RERGL: variants seen among roughly 807,000 people sequenced by gnomAD.
The protein encoded by RERGL is ras-related and estrogen-regulated growth inhibitor-like protein.
Under a neutral mutation model 24.7 loss-of-function variants are expected in RERGL, and 22 were observed. The ratio of observed to expected loss-of-function variants is 0.89; its 90% CI spans 0.64 to 1.27. RERGL has a LOEUF of 1.27. RERGL is among the 50% of genes most tolerant of loss of function. The probability of loss-of-function intolerance (pLI) is 0.00; values close to 1 mark genes in which losing one functional copy is unlikely to be tolerated. For missense variants in RERGL, 259 were observed against 235.3 expected, an observed-to-expected ratio of 1.10 and a Z score of -0.66; for synonymous variants, 76 against 82.6, an observed-to-expected ratio of 0.92 and a Z score of 0.43.
chr12:18,083,249 G>C (rs1947189878), intron 4 of RERGL, among the ~76,000 whole-genome samples: 1 of 152,084 alleles, frequency 6.6e-6, no homozygotes, highest in Admixed American at 6.6e-5. Flanking sequence ...TCTTTTTACA[G>C]ATTGAGAGCT....
In RERGL at chr12:18,081,389, C is replaced by T. The variant is rs143014640; in HGVS notation, c.417G>A (p.Lys139=). 6.2e-6 allele frequency: 10 copies of T among 1,614,014 alleles called. No homozygotes were observed. The African/African-American group carries it at 1.3e-4, about 22-fold the overall frequency. Residue 139 remains lysine (K), a synonymous_variant, in exon 5 of 5, where the codon AAG becomes AAA. Transcript: ENST00000538724. ...ATTGGCATCGGTTTTCCAGTGCCAG[C>T]TTTTGCCCTTCTTCCCAGCCAACCT... ...VREVGWEEGQ[K]LALENRCQFC... is the part of the protein sequence containing the mutation.
intron 4 of RERGL, among the ~76,000 whole-genome samples, chr12:18,082,156 A>G (rs1947180145): frequency 8.3e-6 from 1 of 120,650 alleles, no homozygotes; most frequent in Non-Finnish European, 1.9e-5. Flanking sequence ...AAAAAAAAAA[A>G]AAAGAATGAG....
At chr12:18,086,006 C>G (rs1393982771) in intron 2 of RERGL, among the ~76,000 whole-genome samples, 1 of 148,532 alleles carries the variant, frequency 6.7e-6, no homozygotes, top group Non-Finnish European at 1.5e-5. Flanking sequence ...TACAGGGGCT[C>G]GCCACCACGC....
intron 1 of RERGL, chr12:18,089,295 C>G: frequency 6.3e-7 from 1 of 1,593,702 alleles, no homozygotes; most frequent in Non-Finnish European, 8.6e-7. Context: ...TGTTTATTTT[C>G]TCTGTCAAAC....
In RERGL at chr12:18,085,659, C is replaced by A; in HGVS notation, c.144G>T (p.Arg48Ser). Residue 48 changes from arginine to serine, a missense_variant, in exon 3 of 5, where the codon AGG becomes AGT. Arg to Ser is a moderately radical substitution (Grantham distance 110). Coordinates refer to ENST00000538724, the MANE Select transcript of RERGL (RefSeq NM_001286201.2). The stretch of plus-strand genomic sequence containing the variant: ...CATATATTTCTAGATTTAGTTGTTT[C>A]CTTTCCAAACACAAGTGCTTCTTAT... Reference protein sequence around the residue: ...SIYKKHLCLERKQLNLEIYDP... With the variant: ...SIYKKHLCLESKQLNLEIYDP... 6.2e-7 allele frequency: 1 copy of A among 1,600,564 alleles called. No individual in the cohort carries two copies.
At chr12:18,084,744 G>A in intron 3 of RERGL, 79 bp from the exon 4 acceptor site, 2 of 1,195,240 alleles carry the variant, frequency 1.7e-6, no homozygotes, top group Non-Finnish European at 2.3e-6. Flanking sequence ...AACTAATGGA[G>A]ACCCACTTCC....
chr12:18,089,534 GC>G (rs1947250810), intron 1 of RERGL: 1 of 389,252 alleles, frequency 2.6e-6, no homozygotes, highest in Non-Finnish European at 4.4e-6. Flanking sequence ...CGAAACCAAA[GC>G]AAAACACAGC....
intron 2 of RERGL, among the ~76,000 whole-genome samples, chr12:18,088,190 TCTC>T (rs1214939231): frequency 6.6e-6 from 1 of 152,062 alleles, no homozygotes; most frequent in Non-Finnish European, 1.5e-5. Flanking sequence ...AAAAAATTCA[TCTC>T]CTCATTTCAT....
Position 18,088,976 on chromosome 12 carries a change from G to C in RERGL, c.53-20C>G. 1 of 1,590,380 alleles carries C rather than the reference G, an allele frequency of 6.3e-7. No individual in the cohort carries two copies. Among genetic ancestry groups the C allele is most frequent in the South Asian group, 1.1e-5 (1 of 90,440 alleles). ...TAAGGGCTGCAAAGCAAACAATCTA[G>C]ATTTAGGGCTGTTATATTTTAGGAA... is the stretch of plus-strand genomic sequence containing the variant. On this transcript the variant is annotated intron_variant, in intron 1 of 4. Coordinates refer to ENST00000538724, the MANE Select transcript of RERGL (RefSeq NM_001286201.2).
intron 3 of RERGL, among the ~76,000 whole-genome samples, chr12:18,085,152 A>T (rs947411127): frequency 2.0e-5 from 3 of 152,200 alleles, no homozygotes; most frequent in African/African-American, 7.2e-5. Flanking sequence ...ACCCTGAATA[A>T]ATGGCCACTT....
At position 18,081,198 on chromosome 12, in the gene RERGL, G is replaced by T; in HGVS notation, c.608C>A (p.Ser203Tyr). The T allele has an allele frequency of 1.2e-6, 2 of 1,605,712 alleles. No homozygotes were observed. The highest frequency in any genetic ancestry group is 1.1e-5 in the South Asian group (1 of 90,678). Residue 203 changes from serine (S) to tyrosine (Y), a missense_variant, in exon 5 of 5, where the codon TCT becomes TAT. Coordinates refer to ENST00000538724, the MANE Select transcript of RERGL (RefSeq NM_001286201.2). ...CCCAGGATTACCTGTCTACTAAACA[G>T]ATTTCCTTCTCTTTCCAAATACATT... ...INNVFGKRRK[S>Y]V
In RERGL at chr12:18,081,415, C is replaced by T; in HGVS notation, c.391G>A (p.Glu131Lys). The T allele has an allele frequency of 1.2e-6, 2 of 1,613,972 alleles. No individual in the cohort carries two copies. Among genetic ancestry groups the T allele is most frequent in the Non-Finnish European group, 1.7e-6 (2 of 1,179,972 alleles). ...TTTTGCCCTTCTTCCCAGCCAACCTCTCGCACATGACAAAGATCTCGTTTG... is the reference window on the plus strand; with the variant it reads ...TTTTGCCCTTCTTCCCAGCCAACCTTTCGCACATGACAAAGATCTCGTTTG... The part of the protein sequence containing the change: ...GNKRDLCHVR[E>K]VGWEEGQKLA... Residue 131 changes from glutamate to lysine, a missense_variant, in exon 5 of 5, where the codon GAG (glutamate) becomes AAG (lysine). Coordinates refer to ENST00000538724, the MANE Select transcript of RERGL (RefSeq NM_001286201.2).
At chr12:18,084,758 G>A in intron 3 of RERGL, 93 bp from the exon 4 acceptor site, 1 of 917,292 alleles carries the variant, frequency 1.1e-6, no homozygotes, top group East Asian at 2.6e-5. Flanking sequence ...CACTTCCGCT[G>A]GAAGATACAT....
In RERGL at chr12:18,081,063, C is replaced by G; in HGVS notation, c.*128G>C. On this transcript the variant is annotated 3_prime_UTR_variant, in exon 5 of 5. Transcript: ENST00000538724. ...TTTGAAAACACAGCTGTGGTTCATA[C>G]TCAATCATTTCATATCTCCAAGAGA... 1.2e-6 allele frequency: 1 copy of G among 847,752 alleles called. No homozygotes were observed. Among genetic ancestry groups the G allele is most frequent in the Non-Finnish European group, 1.8e-6 (1 of 565,312 alleles). 52.5% of individuals were successfully genotyped at this position (847,752 alleles called of 1,614,324 possible). A position where few individuals can be genotyped will look rare whatever the true frequency, so the allele number is the denominator to read the frequency against.
At chr12:18,089,419 GT>G in intron 1 of RERGL, 1 of 1,317,802 alleles carries the variant, frequency 7.6e-7, no homozygotes, top group Non-Finnish European at 9.7e-7. Context: ...AGAACCTCTG[GT>G]ATCCATTCAT....
intron 4 of RERGL, 53 bp from the exon 5 acceptor site, chr12:18,081,526 TTAAA>T (rs1565485333): frequency 1.5e-5 from 15 of 1,011,702 alleles, no homozygotes; most frequent in South Asian, 6.9e-5. Context: ...ACTCTTTTTT[TTAAA>T]AAAAAAAAAA....
In RERGL at chr12:18,088,178, GA is replaced by G. The variant is rs1245119474; in HGVS notation, c.109+721del. On this transcript the variant is annotated intron_variant, in intron 2 of 4. Transcript: ENST00000538724. ...TCTGCCATTCTTATTTTTTAAAAAAGAAAAAAATTCATCTCCTCATTTCATT... is the reference window on the plus strand; with the variant it reads ...TCTGCCATTCTTATTTTTTAAAAAAGAAAAAATTCATCTCCTCATTTCATT... Among the ~76,000 whole-genome samples the G allele has an allele frequency of 4.6e-5, 7 of 151,754 alleles. No individual in the cohort carries two copies. The East Asian group carries it at 1.2e-3, about 25-fold the overall frequency.
Position 18,084,656 on chromosome 12 carries a change from C to G in RERGL, c.193G>C (p.Ala65Pro). ...IYDPCSQTQK[A>P]KFSLTSELHW... is the part of the protein sequence containing the mutation. Reference sequence around the variant, plus strand: ...AGCTCACTTGTGAGGGAGAATTTTGCTTTCTGTGTCTGAAAATAAACCAAG... The same window carrying G: ...AGCTCACTTGTGAGGGAGAATTTTGGTTTCTGTGTCTGAAAATAAACCAAG... Residue 65 changes from alanine (A) to proline (P), a missense_variant, in exon 4 of 5, where the codon GCA becomes CCA. Ala to Pro is a conservative substitution (Grantham distance 27, BLOSUM62 -1). Transcript: ENST00000538724. The G allele has an allele frequency of 6.2e-7, 1 of 1,608,104 alleles. No individual in the cohort carries two copies. Among genetic ancestry groups the G allele is most frequent in the Non-Finnish European group, 8.5e-7 (1 of 1,178,106 alleles).
chr12:18,085,134 G>A (rs1254163397), intron 3 of RERGL, among the ~76,000 whole-genome samples: 1 of 152,080 alleles, frequency 6.6e-6, no homozygotes, highest in Admixed American at 6.6e-5. Flanking sequence ...TCATACAGTT[G>A]TTTTGAAACC....
Sources: allele counts gnomAD v4.1 joint callset (sites outside exome capture counted in the v4.1 genomes callset), GRCh38; gene constraint gnomAD v4.1.1; transcripts MANE v1.5; gene names NCBI Gene and HGNC (gene_info 2026-07-23, HGNC 2026-07-21).